The following SCARF2 variants were observed in gnomAD, a reference collection of about 807,000 sequenced individuals.
SCARF2 encodes the protein scavenger receptor class F member 2.
In SCARF2, 39 loss-of-function variants were observed where a neutral mutation model predicts 73.4. The ratio of observed to expected loss-of-function variants is 0.53; its 90% CI spans 0.41 to 0.69. The LOEUF is 0.69. Ranked by LOEUF, SCARF2 falls within the 30% of genes least tolerant of loss-of-function variation. The probability of loss-of-function intolerance (pLI) is 0.00; values close to 1 mark genes in which losing one functional copy is unlikely to be tolerated. For synonymous variants in SCARF2, 605 were observed against 590.0 expected (o/e 1.03, Z -0.37); for missense variants, 1,148 against 1,303.5 (o/e 0.88, Z 1.84).
At chr22:20,430,400 C>G (rs2052628957) in intron 6 of SCARF2, 29 bp downstream of exon 6, 1 of 1,579,252 alleles carries the variant, frequency 6.3e-7, no homozygotes, top group Admixed American at 1.8e-5. Flanking sequence ...TACAAGCCCC[C>G]AACCCCCTCC....
rs2052567502 is a variant in SCARF2 at position 20,425,736 on chromosome 22, C to T, written c.2240G>A (p.Gly747Asp). 1.6e-6 allele frequency: 2 copies of T among 1,230,846 alleles called. No homozygotes were observed. Among genetic ancestry groups the T allele is most frequent in the Admixed American group, 4.4e-5 (1 of 22,930 alleles). 76.2% of individuals were successfully genotyped at this position (1,230,846 alleles called of 1,614,324 possible). A position where few individuals can be genotyped will look rare whatever the true frequency, so the allele number is the denominator to read the frequency against. ...GTCCGTGGGCTCCAAGAGGCCGGGG[C>T]CGCGGCCCCGCGCTCGGGCCCTGGG... ...SPPRARARGR[G>D]PGLLEPTDAG... The change falls in exon 11 of 11, where the codon GGC becomes GAC. Residue 747 changes from glycine (G) to aspartate (D), a missense_variant. Gly to Asp is a moderately conservative substitution (Grantham distance 94). Around this residue, in one of 5 missense-constraint regions of SCARF2, gnomAD observed 46 missense variants for 80.6 expected, o/e 0.57. Coordinates refer to ENST00000622235, the MANE Select transcript of SCARF2 (RefSeq NM_182895.5). This position sits in a 1 kb window ranked among gnomAD's most constrained non-coding sequence, Gnocchi z 4.6.
Position 20,430,513 on chromosome 22 carries a change from G to A in SCARF2, c.1118C>T (p.Ala373Val), listed in dbSNP as rs1268641207. The A allele has an allele frequency of 6.2e-7, 1 of 1,606,644 alleles. No individual in the cohort carries two copies. Residue 373 changes from alanine (A) to valine (V), a missense_variant, in exon 6 of 11, where the codon GCC (alanine) becomes GTC (valine). By Grantham distance (64) the Ala-to-Val change is moderately conservative. Coordinates refer to ENST00000622235, the MANE Select transcript of SCARF2 (RefSeq NM_182895.5). Reference sequence around the variant, plus strand: ...GCTGCCGCAGTCGGCGCACACGAAGGCGCAGTCCTCGCCGTAAGTGCCATT... The same window carrying A: ...GCTGCCGCAGTCGGCGCACACGAAGACGCAGTCCTCGCCGTAAGTGCCATT... The part of the protein sequence containing the change: ...CSNGTYGEDC[A>V]FVCADCGSGH...
Position 20,431,043 on chromosome 22 carries a change from A to C in SCARF2, c.829T>G (p.Phe277Val). 1.9e-6 allele frequency: 3 copies of C among 1,575,072 alleles called. No individual in the cohort carries two copies. Among genetic ancestry groups the C allele is most frequent in the Non-Finnish European group, 2.6e-6 (3 of 1,168,680 alleles). The change falls in exon 4 of 11, where the codon TTC becomes GTC. Residue 277 changes from phenylalanine (F) to valine (V), a missense_variant. Around this residue, in one of 5 missense-constraint regions of SCARF2, gnomAD observed 372 missense variants for 532.0 expected, o/e 0.70. Coordinates refer to ENST00000622235, the MANE Select transcript of SCARF2 (RefSeq NM_182895.5). The stretch of plus-strand genomic sequence containing the variant: ...CGGCGGCGACAGCCCAAGCCGTAGA[A>C]GCCGGCGGGGCACGGCTCGCGACAG... Reference protein sequence around the residue: ...KYCREPCPAGFYGLGCRRRCG... With the variant: ...KYCREPCPAGVYGLGCRRRCG...
chr22:20,434,621 G>A (rs1369182743), intron 1 of SCARF2, among the ~76,000 whole-genome samples: 1 of 152,234 alleles, frequency 6.6e-6, no homozygotes, highest in Non-Finnish European at 1.5e-5. Flanking sequence ...GACGGGTGGG[G>A]AAAGATGGCC....
rs1470325664 is a variant in SCARF2 at position 20,429,331 on chromosome 22, C to G, written c.1434G>C (p.Ser478=). ...RGKDPTRREL[S]LGRKKAPHRL... ...GGTGCGGCGCCTTCTTCCTCCCAAGCGAAAGCTCCCTGCGGGGGCGGGGTC... is the reference window on the plus strand; with the variant it reads ...GGTGCGGCGCCTTCTTCCTCCCAAGGGAAAGCTCCCTGCGGGGGCGGGGTC... Residue 478 remains serine, a synonymous_variant, in exon 9 of 11, where the codon TCG becomes TCC. Transcript: ENST00000622235. The surrounding 1 kb of genome is among the most constrained non-coding windows in gnomAD (Gnocchi z 5.2). The G allele has an allele frequency of 1.9e-6, 3 of 1,608,450 alleles. No individual in the cohort carries two copies. Among genetic ancestry groups the G allele is most frequent in the Non-Finnish European group, 2.5e-6 (3 of 1,177,726 alleles).
In SCARF2 at chr22:20,430,544, A is replaced by T; in HGVS notation, c.1087T>A (p.Cys363Ser). 6.2e-7 allele frequency: 1 copy of T among 1,611,520 alleles called. No homozygotes were observed. The highest frequency in any genetic ancestry group is 8.5e-7 in the Non-Finnish European group (1 of 1,179,174). Residue 363 changes from cysteine to serine, a missense_variant, in exon 6 of 11, where the codon TGT becomes AGT. Physicochemically the swap from Cys to Ser is moderately radical, Grantham distance 112 (BLOSUM62 -1). Coordinates refer to ENST00000622235, the MANE Select transcript of SCARF2 (RefSeq NM_182895.5). Reference protein sequence around the residue: ...GWIGDRCETKCSNGTYGEDCA... With the variant: ...GWIGDRCETKSSNGTYGEDCA... ...TCCTCGCCGTAAGTGCCATTGCTAC[A>T]CTTGGTCTCGCACCTTGGAAAGAGG...
At position 20,431,476 on chromosome 22, in the gene SCARF2, C is replaced by G; in HGVS notation, c.396G>C (p.Gly132=). The G allele has an allele frequency of 3.2e-6, 5 of 1,570,204 alleles. No homozygotes were observed. The highest frequency in any genetic ancestry group is 4.3e-6 in the Non-Finnish European group (5 of 1,166,690). ...ACTGGCCTGTCACGTCCTCGCACTG[C>G]CCGTGTGGGTGGCAGCTACACAGCT... ...CKELCSCHPH[G]QCEDVTGQCT... The change falls in exon 4 of 11, where the codon GGG becomes GGC. Residue 132 remains glycine, a synonymous_variant. Transcript: ENST00000622235.
Position 20,430,697 on chromosome 22 carries a change from C to T in SCARF2, c.1066G>A (p.Gly356Ser). 1.9e-6 allele frequency: 3 copies of T among 1,599,324 alleles called. No homozygotes were observed. The highest frequency in any genetic ancestry group is 2.7e-5 in the African/African-American group (2 of 74,808). ...GCAGGCAGGGCTGCTCACCGGTCGC[C>T]GATCCAGCCCGCGTTGCAGCGCGTA... Reference protein sequence around the residue: ...KCTRCNAGWIGDRCETKCSNG... With the variant: ...KCTRCNAGWISDRCETKCSNG... Residue 356 changes from glycine to serine, a missense_variant, in exon 5 of 11, where the codon GGC becomes AGC. By Grantham distance (56) the Gly-to-Ser change is moderately conservative. Coordinates refer to ENST00000622235, the MANE Select transcript of SCARF2 (RefSeq NM_182895.5).
Position 20,437,703 on chromosome 22 carries a change from C to A in SCARF2, c.52G>T (p.Gly18Trp). 4.1e-6 allele frequency: 6 copies of A among 1,447,872 alleles called. No individual in the cohort carries two copies. Among genetic ancestry groups the A allele is most frequent in the Non-Finnish European group, 5.4e-6 (6 of 1,104,100 alleles). The allele number at this position is 1,447,872 out of a possible 1,614,324, so 89.7% of individuals were successfully genotyped here. Residue 18 changes from glycine (G) to tryptophan (W), a missense_variant, in exon 1 of 11, where the codon GGG becomes TGG. Gly to Trp is a radical substitution (Grantham distance 184, BLOSUM62 -2). This residue lies in a region of SCARF2 where 124 missense variants were observed against 120.4 expected (regional missense o/e 1.03). Coordinates refer to ENST00000622235, the MANE Select transcript of SCARF2 (RefSeq NM_182895.5). ...GGCAGCAGCGGTGACGGCGGCCCCC[C>A]GGCTCCCCGGCGCCGCGCCGGCCCG... ...GAGPARRRGA[G>W]GPPSPLLPSL...
Position 20,429,540 on chromosome 22 carries a change from G to A in SCARF2, c.1420C>T (p.Arg474Cys). The change falls in exon 8 of 11, where the codon CGC becomes TGC. Residue 474 changes from arginine (R) to cysteine (C), a missense_variant. Around this residue, in one of 5 missense-constraint regions of SCARF2, gnomAD observed 437 missense variants for 433.6 expected, o/e 1.01. Coordinates refer to ENST00000622235, the MANE Select transcript of SCARF2 (RefSeq NM_182895.5). This position sits in a 1 kb window ranked among gnomAD's most constrained non-coding sequence, Gnocchi z 5.2. The part of the protein sequence containing the change: ...CCACRGKDPT[R>C]RELSLGRKKA... ...CGGGGCAGTATCTGGGCTCACCGGC[G>A]CGTAGGGTCCTTGCCGCGGCAAGCG... 1 of 1,612,680 alleles carries A rather than the reference G, an allele frequency of 6.2e-7. No homozygotes were observed. The highest frequency in any genetic ancestry group is 8.5e-7 in the Non-Finnish European group (1 of 1,179,706).
chr22:20,436,550 C>A (rs1340488582), intron 1 of SCARF2, among the ~76,000 whole-genome samples: 1 of 152,020 alleles, frequency 6.6e-6, no homozygotes, highest in Non-Finnish European at 1.5e-5. Flanking sequence ...TCGGAAACCC[C>A]GCGCTGCCCC....
intron 10 of SCARF2, among the ~76,000 whole-genome samples, chr22:20,426,787 C>T (rs980888621): frequency 1.3e-5 from 2 of 152,076 alleles, no homozygotes; most frequent in South Asian, 2.1e-4. Flanking sequence ...ATTAGCTGGG[C>T]GTGGTCGTGG....
rs1452511977 is a variant in SCARF2, at chr22:20,430,432, G to A, written c.1199C>T (p.Pro400Leu). ...RCLCSPGVHG[P>L]HCNVTCPPGL... ...CTCCCGGTCCCGGGGCACTCACTGG[G>A]GCCCGTGGACGCCAGGGCTGCACAG... Residue 400 changes from proline (P) to leucine (L), a missense_variant, in exon 6 of 11, where the codon CCC (proline) becomes CTC (leucine). Pro to Leu is a moderately conservative substitution (Grantham distance 98, BLOSUM62 -3). Transcript: ENST00000622235. The A allele has an allele frequency of 1.3e-6, 2 of 1,589,162 alleles. No individual in the cohort carries two copies. The highest frequency in any genetic ancestry group is 3.5e-5 in the Admixed American group (2 of 57,068).
In SCARF2 at chr22:20,430,875, C is replaced by T. The variant is rs551075345; in HGVS notation, c.888G>A (p.Thr296=). Residue 296 remains threonine (T), a synonymous_variant, in exon 5 of 11, where the codon ACG becomes ACA. Transcript: ENST00000622235. ...ACGTCAAGCAGCGGCCCTCGGCCAC[C>T]GTGCACGGCTGCTGGCCCTTGCACT... ...CGQCKGQQPC[T]VAEGRCLTCE... 3 of 1,603,974 alleles carry T rather than the reference C, an allele frequency of 1.9e-6. No homozygotes were observed. Among genetic ancestry groups the T allele is most frequent in the East Asian group, 2.2e-5 (1 of 44,634 alleles).
In SCARF2 at chr22:20,424,902, A is replaced by C; in HGVS notation, c.*473T>G. On this transcript the variant is annotated 3_prime_UTR_variant, in exon 11 of 11. Transcript: ENST00000622235. The stretch of plus-strand genomic sequence containing the variant: ...GATGCCCGGGAGCCTGGCCAGTGGA[A>C]GTAGCCCCGGGCTCTATTGGGACGG... 6.5e-6 allele frequency: 1 copy of C among 153,956 alleles called. No individual in the cohort carries two copies. The highest frequency in any genetic ancestry group is 1.4e-5 in the Non-Finnish European group (1 of 69,216). The allele number at this position is 153,956 out of a possible 1,614,324, so 9.5% of individuals were successfully genotyped here.
Position 20,429,184 on chromosome 22 carries a change from G to T in SCARF2, c.1540+41C>A. 1 of 1,613,230 alleles carries T rather than the reference G, an allele frequency of 6.2e-7. No homozygotes were observed. Among genetic ancestry groups the T allele is most frequent in the South Asian group, 1.1e-5 (1 of 90,970 alleles). On this transcript the variant is annotated intron_variant, in intron 9 of 10. Coordinates refer to ENST00000622235, the MANE Select transcript of SCARF2 (RefSeq NM_182895.5). The surrounding 1 kb of genome is among the most constrained non-coding windows in gnomAD (Gnocchi z 5.2). Reference sequence around the variant, plus strand: ...CCATTTCCCAGCAGCTTCCTGCGTCGAGAGGTGTTTCTCCCAGATACCCCG... The same window carrying T: ...CCATTTCCCAGCAGCTTCCTGCGTCTAGAGGTGTTTCTCCCAGATACCCCG...
Position 20,431,776 on chromosome 22 carries a change from G to A in SCARF2, c.303C>T (p.Arg101=), listed in dbSNP as rs2052651485. The part of the protein sequence containing the change: ...VCVRPGECRC[R]HGYFGANCDT... ...CGCAGTTGGCACCGAAGTAGCCGTG[G>A]CGGCAGCGGCACTCGCCAGGCCTCA... The change falls in exon 3 of 11, where the codon CGC becomes CGT. Residue 101 remains arginine (R), a synonymous_variant. Coordinates refer to ENST00000622235, the MANE Select transcript of SCARF2 (RefSeq NM_182895.5). The A allele has an allele frequency of 1.3e-6, 2 of 1,590,228 alleles. No homozygotes were observed. The highest frequency in any genetic ancestry group is 2.7e-5 in the African/African-American group (2 of 74,686).
chr22:20,429,924 C>T lies in SCARF2; in HGVS notation c.1203-91G>A, dbSNP rs1342403886. 3.1e-6 allele frequency: 4 copies of T among 1,310,552 alleles called. No individual in the cohort carries two copies. The highest frequency in any genetic ancestry group is 4.2e-6 in the Non-Finnish European group (4 of 941,580). The allele number at this position is 1,310,552 out of a possible 1,614,324, so 81.2% of individuals were successfully genotyped here. A position where few individuals can be genotyped will look rare whatever the true frequency, so the allele number is the denominator to read the frequency against. ...TCACCCGCGGCCAGGGCCCAGGGTC[C>T]AGGGTCCCAGAACCGGGCTCTCTCT... is the stretch of plus-strand genomic sequence containing the variant. On this transcript the variant is annotated intron_variant, in intron 6 of 10. Transcript: ENST00000622235. The surrounding 1 kb of genome is among the most constrained non-coding windows in gnomAD (Gnocchi z 5.2).
chr22:20,428,608 T>C (rs1461916988), intron 9 of SCARF2, among the ~76,000 whole-genome samples: 1 of 152,098 alleles, frequency 6.6e-6, no homozygotes, highest in East Asian at 1.9e-4. Context: ...CCGGCTTGGC[T>C]AAGGGGTTTT....
Sources: allele counts gnomAD v4.1 joint callset (sites outside exome capture counted in the v4.1 genomes callset), GRCh38; gene constraint gnomAD v4.1.1; regional missense constraint gnomAD v4.1.1; non-coding constraint Gnocchi (gnomAD v3.1); transcripts MANE v1.5; gene names NCBI Gene and HGNC (gene_info 2026-07-23, HGNC 2026-07-21).